ZNF292: variants seen among roughly 807,000 people sequenced by gnomAD.
ZNF292 encodes the protein 16 zinc-finger domain protein.
In ZNF292, 26 loss-of-function variants were observed where a neutral mutation model predicts 217.9. The ratio of observed to expected loss-of-function variants is 0.12; its 90% CI spans 0.09 to 0.17. The LOEUF (loss-of-function observed/expected upper bound fraction) is 0.17, where lower values mean the gene tolerates loss of function less well. Among genes scored for constraint, ZNF292 ranks in the 10% least tolerant of loss-of-function variants. The pLI, the probability that ZNF292 is intolerant of heterozygous loss-of-function variation, is 1.00. For synonymous variants in ZNF292, 1,257 were observed against 1,124.1 expected (o/e 1.12, Z -2.37); for missense variants, 2,904 against 3,175.2 (o/e 0.91, Z 2.05).
chr6:87,212,133 T>G (rs1404963986), intron 1 of ZNF292, among the ~76,000 whole-genome samples: 4 of 152,122 alleles, frequency 2.6e-5, no homozygotes, highest in Admixed American at 6.6e-5. Context: ...AATGCTATAC[T>G]TACTATTACA....
At chr6:87,172,101 C>G (rs1021225012) in intron 1 of ZNF292, among the ~76,000 whole-genome samples, 1 of 152,168 alleles carries the variant, frequency 6.6e-6, no homozygotes, top group African/African-American at 2.4e-5. Flanking sequence ...TTTCTATAGT[C>G]TCTTATACTG....
chr6:87,239,461 G>A (rs796115331), intron 5 of ZNF292, among the ~76,000 whole-genome samples: 48 of 10,894 alleles, frequency 4.4e-3, no homozygotes, highest in Admixed American at 0.019. Context: ...CCTACCTCCC[G>A]GATGGGGCGG....
At chr6:87,175,205 C>T (rs1005283619) in intron 1 of ZNF292, among the ~76,000 whole-genome samples, 1 of 152,192 alleles carries the variant, frequency 6.6e-6, no homozygotes, top group Non-Finnish European at 1.5e-5. Context: ...TGAAACTTCT[C>T]CTTCCTAAAA....
intron 1 of ZNF292, among the ~76,000 whole-genome samples, chr6:87,191,511 G>A (rs1014560114): frequency 6.6e-6 from 1 of 152,128 alleles, no homozygotes; most frequent in Non-Finnish European, 1.5e-5. Context: ...GGTTAGAATT[G>A]TTTTCTGGAA....
chr6:87,191,690 G>A (rs1353084282), intron 1 of ZNF292, among the ~76,000 whole-genome samples: 1 of 152,000 alleles, frequency 6.6e-6, no homozygotes, highest in Admixed American at 6.5e-5. Flanking sequence ...ATTTTGAGAC[G>A]GAGTCTTGCT....
chr6:87,225,004 C>G (rs1024053525), intron 4 of ZNF292, among the ~76,000 whole-genome samples: 10 of 152,116 alleles, frequency 6.6e-5, no homozygotes, highest in Admixed American at 2.0e-4. Flanking sequence ...TCCTTTTGCC[C>G]CATACCCTTA....
intron 5 of ZNF292, among the ~76,000 whole-genome samples, chr6:87,241,198 C>T (rs1774267034): frequency 6.6e-6 from 1 of 152,036 alleles, no homozygotes; most frequent in Admixed American, 6.6e-5. Context: ...GCAGGAGAGT[C>T]GCTTGAACCT....
In ZNF292 at chr6:87,254,849, A is replaced by G. The variant is rs1444107108; in HGVS notation, c.1220A>G (p.Glu407Gly). The change falls in exon 8 of 8, where the codon GAA becomes GGA. Residue 407 changes from glutamate to glycine, a missense_variant. Physicochemically the swap from Glu to Gly is moderately conservative, Grantham distance 98. Coordinates refer to ENST00000369577, the MANE Select transcript of ZNF292 (RefSeq NM_015021.3). ...ACAGTAGATGCGTATTATGCTGTGG[A>G]AATGTTGTATAATCAGCCAGACCAG... ...EPTVDAYYAVEMLYNQPDQKY... is the reference protein window; with the variant it reads ...EPTVDAYYAVGMLYNQPDQKY... 1 of 1,613,852 alleles carries G rather than the reference A, an allele frequency of 6.2e-7. No homozygotes were observed. The highest frequency in any genetic ancestry group is 2.2e-5 in the East Asian group (1 of 44,866).
intron 1 of ZNF292, among the ~76,000 whole-genome samples, chr6:87,189,082 G>T (rs755751488): frequency 2.6e-4 from 39 of 152,028 alleles, no homozygotes; most frequent in Non-Finnish European, 4.9e-4. Flanking sequence ...GCGAGCGCCT[G>T]TAATTGCAGC....
chr6:87,189,051 A>C (rs1251371413), intron 1 of ZNF292, among the ~76,000 whole-genome samples: 3 of 152,106 alleles, frequency 2.0e-5, no homozygotes, highest in African/African-American at 7.2e-5. Context: ...CTAGAAATAC[A>C]AAAATTAGCT....
intron 1 of ZNF292, among the ~76,000 whole-genome samples, chr6:87,164,411 C>A (rs1435352086): frequency 6.6e-6 from 1 of 152,146 alleles, no homozygotes; most frequent in Non-Finnish European, 1.5e-5. Context: ...TTAGCTACTG[C>A]CAATTAAGTG....
intron 5 of ZNF292, among the ~76,000 whole-genome samples, chr6:87,236,057 G>C (rs1299049537): frequency 6.6e-6 from 1 of 152,180 alleles, no homozygotes; most frequent in East Asian, 1.9e-4. Flanking sequence ...TTCCATATGA[G>C]GTGAGTTAAG....
chr6:87,187,631 C>T (rs2127781184), intron 1 of ZNF292, among the ~76,000 whole-genome samples: 1 of 148,006 alleles, frequency 6.8e-6, no homozygotes, highest in Middle Eastern at 3.4e-3. Flanking sequence ...GGGAGGATCA[C>T]TTGAACCCAG....
chr6:87,239,568 C>T (rs1450625426), intron 5 of ZNF292, among the ~76,000 whole-genome samples: 2 of 142,600 alleles, frequency 1.4e-5, no homozygotes, highest in South Asian at 2.2e-4. Flanking sequence ...GGCTGCCGGG[C>T]GGAGACGCTC....
chr6:87,247,425 C>A (rs1365349216), intron 7 of ZNF292, among the ~76,000 whole-genome samples: 5 of 152,092 alleles, frequency 3.3e-5, no homozygotes, highest in Non-Finnish European at 5.9e-5. Context: ...TTAGGTATGT[C>A]CAACTGGACT....
chr6:87,166,462 G>T (rs971581506), intron 1 of ZNF292, among the ~76,000 whole-genome samples: 6 of 152,216 alleles, frequency 3.9e-5, no homozygotes, highest in Non-Finnish European at 8.8e-5. Context: ...ATAGAGGGTA[G>T]TAAGAGACAC....
At chr6:87,241,883 G>A (rs1412327103) in intron 5 of ZNF292, among the ~76,000 whole-genome samples, 1 of 152,168 alleles carries the variant, frequency 6.6e-6, no homozygotes, top group Non-Finnish European at 1.5e-5. Flanking sequence ...GTTTCTGGAC[G>A]TATGAGGGGG....
intron 5 of ZNF292, among the ~76,000 whole-genome samples, chr6:87,235,897 T>TA: frequency 6.6e-6 from 1 of 152,218 alleles, no homozygotes; most frequent in Non-Finnish European, 1.5e-5. Flanking sequence ...AGTCTACACT[T>TA]ACATAGCACT....
At chr6:87,238,153 A>G (rs1378051323) in intron 5 of ZNF292, among the ~76,000 whole-genome samples, 1 of 152,188 alleles carries the variant, frequency 6.6e-6, no homozygotes, top group Non-Finnish European at 1.5e-5. Context: ...TGTATATGAA[A>G]AAATACACAT....
Sources: allele counts gnomAD v4.1 joint callset (sites outside exome capture counted in the v4.1 genomes callset), GRCh38; gene constraint gnomAD v4.1.1; transcripts MANE v1.5; gene names NCBI Gene and HGNC (gene_info 2026-07-23, HGNC 2026-07-21).